Variants in COL5A1 observed in about 807,000 individuals in gnomAD.
The protein encoded by COL5A1 is collagen alpha-1(V) chain.
Under a neutral mutation model 263.7 loss-of-function variants are expected in COL5A1, and 16 were observed. The observed-to-expected ratio is 0.06, with a 90% confidence interval of 0.04 to 0.09. COL5A1 has a LOEUF of 0.09. COL5A1 is among the 10% of genes least tolerant of loss of function. COL5A1 has a pLI of 1.00. For missense variants in COL5A1, 2,036 were observed against 2,540.5 expected, an observed-to-expected ratio of 0.80 and a Z score of 4.27; for synonymous variants, 1,012 against 1,004.5, an observed-to-expected ratio of 1.01 and a Z score of -0.14.
intron 2 of COL5A1, among the ~76,000 whole-genome samples, chr9:134,693,417 A>G (rs1299082128): frequency 1.3e-5 from 2 of 152,170 alleles, no homozygotes; most frequent in African/African-American, 4.8e-5. Flanking sequence ...ATGTTTTTTT[A>G]AGTTTTCCAA....
At chr9:134,802,093 C>T (rs1392742592) in intron 38 of COL5A1, 86 bp downstream of exon 38, 2 of 1,352,580 alleles carry the variant, frequency 1.5e-6, no homozygotes, top group Non-Finnish European at 2.1e-6. Flanking sequence ...CATCTGTTCC[C>T]TCCACGATTC....
At chr9:134,654,974 G>A (rs1831898442) in intron 1 of COL5A1, among the ~76,000 whole-genome samples, 1 of 115,716 alleles carries the variant, frequency 8.6e-6, no homozygotes, top group South Asian at 3.4e-4. Context: ...TAGGGCTGGT[G>A]TGTGTAGGGC....
Position 134,766,365 on chromosome 9 carries a change from C to A in COL5A1, c.2089-89C>A, listed in dbSNP as rs1403540367. On this transcript the variant is annotated intron_variant, in intron 21 of 65. Coordinates refer to ENST00000371817, the MANE Select transcript of COL5A1 (RefSeq NM_000093.5). ...CTCTGATTCGTCGTGGGATGGGCGT[C>A]TGAGCTGAGTTGAGTGGGATTTTCC... 3.0e-6 allele frequency: 4 copies of A among 1,330,366 alleles called. No individual in the cohort carries two copies. The Admixed American group carries it at 7.4e-5, about 25-fold the overall frequency. 82.4% of individuals were successfully genotyped at this position (1,330,366 alleles called of 1,614,324 possible).
At chr9:134,710,336 C>T (rs1013900298) in intron 4 of COL5A1, among the ~76,000 whole-genome samples, 5 of 152,354 alleles carry the variant, frequency 3.3e-5, no homozygotes, top group South Asian at 4.1e-4. Flanking sequence ...ATAGCATCGC[C>T]GTCAGTGCCG....
chr9:134,830,587 T>C (rs1839572560), intron 64 of COL5A1, among the ~76,000 whole-genome samples: 1 of 152,132 alleles, frequency 6.6e-6, no homozygotes, highest in African/African-American at 2.4e-5. Context: ...TCAGAGCTCC[T>C]TCTAGGACCT....
chr9:134,734,180 G>T (rs1835010272), intron 9 of COL5A1, among the ~76,000 whole-genome samples: 1 of 152,194 alleles, frequency 6.6e-6, no homozygotes, highest in African/African-American at 2.4e-5. Context: ...CAGTGGGCAA[G>T]GGTGGGCCAA....
intron 4 of COL5A1, among the ~76,000 whole-genome samples, chr9:134,719,543 G>A (rs547985223): frequency 1.4e-4 from 22 of 152,342 alleles, no homozygotes; most frequent in Non-Finnish European, 2.9e-4. Context: ...GCTTCCCTGC[G>A]TCCAGTGGGT....
chr9:134,738,073 G>A (rs983899748), intron 9 of COL5A1, among the ~76,000 whole-genome samples: 2 of 152,254 alleles, frequency 1.3e-5, no homozygotes, highest in African/African-American at 2.4e-5. Context: ...AAATCCACCC[G>A]AGTCCCCTTG....
intron 28 of COL5A1, 121 bp downstream of exon 28, chr9:134,780,267 A>G (rs1305445583): frequency 1.1e-6 from 1 of 946,330 alleles, no homozygotes; most frequent in Non-Finnish European, 1.7e-6. Context: ...GCCTCTGAGT[A>G]CTGAGGGGGA....
rs1055024737 is a variant in COL5A1, at chr9:134,789,794, G to A, written c.2700+586G>A. ...TCTCCCTGCACCTTCTGGAGCCCCC[G>A]CTGGCCCAGGCCTCCCTGCAGGAGC... On this transcript the variant is annotated intron_variant, in intron 32 of 65. Transcript: ENST00000371817. This position sits in a 1 kb window ranked among gnomAD's most constrained non-coding sequence, Gnocchi z 4.8. 3.3e-5 allele frequency among the ~76,000 whole-genome samples: 5 copies of A among 152,188 alleles called. No homozygotes were observed. Among genetic ancestry groups the A allele is most frequent in the African/African-American group, 1.2e-4 (5 of 41,426 alleles).
At position 134,771,778 on chromosome 9, in the gene COL5A1, G is replaced by C. The variant is rs551006620; in HGVS notation, c.2287-1012G>C. Among the ~76,000 whole-genome samples the C allele has an allele frequency of 1.8e-3, 269 of 152,318 alleles. 2 individuals are homozygous for C. Among genetic ancestry groups the C allele is most frequent in the Middle Eastern group, 0.017 (5 of 294 alleles). On this transcript the variant is annotated intron_variant, in intron 25 of 65. Coordinates refer to ENST00000371817, the MANE Select transcript of COL5A1 (RefSeq NM_000093.5). ...GTGACCTGCCCAAGCTCACACAGCA[G>C]GTTGAGTGTGTCCAGGAGTAGAACC...
At chr9:134,707,510 C>T (rs563436039) in intron 4 of COL5A1, among the ~76,000 whole-genome samples, 1 of 149,660 alleles carries the variant, frequency 6.7e-6, no homozygotes, top group Non-Finnish European at 1.5e-5. Flanking sequence ...GTGGGCCTTT[C>T]TCAGCCATCC....
intron 1 of COL5A1, among the ~76,000 whole-genome samples, chr9:134,649,045 C>A (rs192188439): frequency 2.5e-4 from 38 of 150,974 alleles, no homozygotes; most frequent in Non-Finnish European, 4.0e-4. Context: ...GGTGGCTGAT[C>A]ACTGAAAGGA....
intron 64 of COL5A1, among the ~76,000 whole-genome samples, chr9:134,833,191 G>C (rs917901262): frequency 6.6e-6 from 1 of 152,230 alleles, no homozygotes; most frequent in Non-Finnish European, 1.5e-5. Flanking sequence ...AGAGATGTGT[G>C]CTTCATTTCG....
At position 134,811,339 on chromosome 9, in the gene COL5A1, G is replaced by C; in HGVS notation, c.3529G>C (p.Gly1177Arg). The change falls in exon 45 of 66, where the codon GGT becomes CGT. Residue 1177 changes from glycine (G) to arginine (R), a missense_variant and splice_region_variant. Transcript: ENST00000371817. The part of the protein sequence containing the change: ...KGSKGDKGEQ[G>R]PPGPTGPQGP... ...TATGTCTCTGTCTTGTTCCCCGCAGGGTCCTCCTGGGCCTACAGGTCCTCA... is the reference window on the plus strand; with the variant it reads ...TATGTCTCTGTCTTGTTCCCCGCAGCGTCCTCCTGGGCCTACAGGTCCTCA... 1 of 1,613,950 alleles carries C rather than the reference G, an allele frequency of 6.2e-7. No individual in the cohort carries two copies. The highest frequency in any genetic ancestry group is 2.2e-5 in the East Asian group (1 of 44,848).
chr9:134,801,900 C>A, intron 37 of COL5A1, 54 bp from the exon 38 acceptor site: 1 of 1,521,548 alleles, frequency 6.6e-7, no homozygotes, highest in Non-Finnish European at 9.1e-7. Flanking sequence ...CAGTGCAGGG[C>A]AGGGTGGCGC....
intron 4 of COL5A1, among the ~76,000 whole-genome samples, chr9:134,708,291 T>G (rs1218503682): frequency 6.6e-6 from 1 of 152,120 alleles, no homozygotes; most frequent in African/African-American, 2.4e-5. Flanking sequence ...CCAGGCAGCA[T>G]GGATAGGCCA....
chr9:134,766,427 T>C, intron 21 of COL5A1, 27 bp from the exon 22 acceptor site: 1 of 1,613,356 alleles, frequency 6.2e-7, no homozygotes, highest in Non-Finnish European at 8.5e-7. Flanking sequence ...TTCAGTTACA[T>C]GTTTTTCTTC....
chr9:134,730,420 C>T lies in COL5A1; in HGVS notation c.1109C>T (p.Pro370Leu), dbSNP rs984927424. 6.2e-7 allele frequency: 1 copy of T among 1,614,224 alleles called. No homozygotes were observed. Among genetic ancestry groups the T allele is most frequent in the Non-Finnish European group, 8.5e-7 (1 of 1,180,038 alleles). The part of the protein sequence containing the change: ...GEENPDQPTD[P>L]GAGAEIPTST... The stretch of plus-strand genomic sequence containing the variant: ...GAGAACCCCGACCAGCCCACAGACC[C>T]AGGCGCTGGGGCCGAAATTCCCACC... The change falls in exon 7 of 66, where the codon CCA becomes CTA. Residue 370 changes from proline (P) to leucine (L), a missense_variant. By Grantham distance (98) the Pro-to-Leu change is moderately conservative. Coordinates refer to ENST00000371817, the MANE Select transcript of COL5A1 (RefSeq NM_000093.5).
Sources: gnomAD v4.1 joint callset for allele counts (sites outside exome capture counted in the v4.1 genomes callset) on GRCh38, gnomAD v4.1.1 for gene constraint, Gnocchi (gnomAD v3.1) non-coding constraint, MANE v1.5 for transcripts, NCBI Gene and HGNC (gene_info 2026-07-23, HGNC 2026-07-21) for gene names.